Variants in CNOT10 observed in about 807,000 individuals in gnomAD.
CNOT10 encodes CCR4-NOT transcription complex subunit 10, also known as CCR4-NOT transcription complex, subunit 10.
Under a neutral mutation model 94.6 loss-of-function variants are expected in CNOT10, and 30 were observed. The ratio of observed to expected loss-of-function variants is 0.32; its 90% CI spans 0.24 to 0.43. CNOT10 has a LOEUF of 0.43. CNOT10 is among the 20% of genes least tolerant of loss of function. The probability of loss-of-function intolerance (pLI) is 1.00; values close to 1 mark genes in which losing one functional copy is unlikely to be tolerated. For synonymous variants in CNOT10, 289 were observed against 301.6 expected (o/e 0.96, Z 0.43); for missense variants, 759 against 877.2 (o/e 0.87, Z 1.70).
intron 6 of CNOT10, among the ~76,000 whole-genome samples, chr3:32,716,653 T>G (rs1384674564): frequency 6.6e-6 from 1 of 152,108 alleles, no homozygotes; most frequent in Non-Finnish European, 1.5e-5. Context: ...TTTAAGTTTT[T>G]TGTTTGTTTT....
intron 5 of CNOT10, 34 bp from the exon 6 acceptor site, chr3:32,716,191 T>G: frequency 8.6e-7 from 1 of 1,164,050 alleles, no homozygotes; most frequent in Non-Finnish European, 1.2e-6. Flanking sequence ...CAAAAATATT[T>G]AATTTTGATA....
At chr3:32,732,162 G>A (rs1409297663) in intron 10 of CNOT10, among the ~76,000 whole-genome samples, 3 of 152,144 alleles carry the variant, frequency 2.0e-5, no homozygotes, top group South Asian at 2.1e-4. Context: ...AGGCCGAGGC[G>A]GGCGGATCAC....
chr3:32,769,405 A>C (rs147519249), intron 17 of CNOT10: 19 of 164,458 alleles, frequency 1.2e-4, no homozygotes, highest in Non-Finnish European at 1.9e-4. Flanking sequence ...TAAACTAGTA[A>C]ATTATTTTAT....
At chr3:32,740,658 C>A (rs556383467) in intron 13 of CNOT10, among the ~76,000 whole-genome samples, 1 of 151,766 alleles carries the variant, frequency 6.6e-6, no homozygotes, top group African/African-American at 2.4e-5. Flanking sequence ...GTCAGGAGAT[C>A]GAGACCATCC....
chr3:32,746,952 A>G (rs1409624515), intron 13 of CNOT10, among the ~76,000 whole-genome samples: 6 of 151,740 alleles, frequency 4.0e-5, no homozygotes. Flanking sequence ...CTGTAAATAT[A>G]GATGAATATA....
At chr3:32,701,403 CTT>C (rs994374326) in intron 1 of CNOT10, among the ~76,000 whole-genome samples, 5 of 152,260 alleles carry the variant, frequency 3.3e-5, no homozygotes, top group South Asian at 2.1e-4. Context: ...GGCTTAGACT[CTT>C]TTGAAAAAAT....
intron 4 of CNOT10, among the ~76,000 whole-genome samples, chr3:32,709,281 T>C (rs1276834616): frequency 6.6e-6 from 1 of 152,046 alleles, no homozygotes; most frequent in Non-Finnish European, 1.5e-5. Flanking sequence ...TAACCTCAAG[T>C]AGGAGTAGCA....
intron 3 of CNOT10, among the ~76,000 whole-genome samples, chr3:32,706,861 A>G (rs1399083829): frequency 6.6e-6 from 1 of 152,232 alleles, no homozygotes; most frequent in Non-Finnish European, 1.5e-5. Context: ...AAAGTTCCCA[A>G]ACTCATTGAG....
At chr3:32,748,807 C>T (rs1204625616) in intron 13 of CNOT10, among the ~76,000 whole-genome samples, 1 of 151,188 alleles carries the variant, frequency 6.6e-6, no homozygotes, top group East Asian at 2.0e-4. Flanking sequence ...CCACCATGCC[C>T]GGCCTGTTTT....
intron 1 of CNOT10, among the ~76,000 whole-genome samples, chr3:32,694,867 GT>G (rs1696984897): frequency 6.6e-6 from 1 of 152,120 alleles, no homozygotes; most frequent in African/African-American, 2.4e-5. Context: ...GAGATTATAG[GT>G]GTGAGTCACC....
chr3:32,740,188 C>T (rs1456395482), intron 13 of CNOT10, among the ~76,000 whole-genome samples: 3 of 152,148 alleles, frequency 2.0e-5, no homozygotes, highest in East Asian at 1.9e-4. Flanking sequence ...ATGCTGGGTG[C>T]GGTGGCTCAT....
At chr3:32,760,596 C>T (rs1700403796) in intron 14 of CNOT10, among the ~76,000 whole-genome samples, 1 of 152,106 alleles carries the variant, frequency 6.6e-6, no homozygotes, top group Non-Finnish European at 1.5e-5. Flanking sequence ...TGCACCATTG[C>T]ACTCCAGGCG....
chr3:32,753,226 A>T, intron 13 of CNOT10: 1 of 732,900 alleles, frequency 1.4e-6, no homozygotes, highest in East Asian at 2.7e-5. Flanking sequence ...AAGGACAAAA[A>T]TTAGATAGTG....
At chr3:32,692,163 T>A (rs6810279) in intron 1 of CNOT10, among the ~76,000 whole-genome samples, 9,291 of 151,768 alleles carry the variant, frequency 0.061, 332 homozygotes, top group African/African-American at 0.091. Flanking sequence ...GGAGTTCAAG[T>A]CCAGCCTGGG....
chr3:32,769,743 C>T, intron 17 of CNOT10, 144 bp from the exon 18 acceptor site: 3 of 640,234 alleles, frequency 4.7e-6, no homozygotes, highest in East Asian at 2.7e-5. Context: ...TGAGGCTCAT[C>T]AGAGCAGAAC....
chr3:32,764,596 C>A, intron 16 of CNOT10, 86 bp from the exon 17 acceptor site: 2 of 1,601,722 alleles, frequency 1.2e-6, no homozygotes, highest in Non-Finnish European at 1.7e-6. Flanking sequence ...ACTGCTGTGC[C>A]AAGTGGCTCC....
chr3:32,770,020 T>C (rs1473251483), intron 18 of CNOT10, 58 bp downstream of exon 18: 17 of 1,401,008 alleles, frequency 1.2e-5, no homozygotes, highest in East Asian at 4.6e-5. Flanking sequence ...GATTTTTTGG[T>C]TGGGAGACAG....
intron 13 of CNOT10, 80 bp downstream of exon 13, chr3:32,737,570 A>G: frequency 1.6e-5 from 14 of 873,664 alleles, no homozygotes; most frequent in Non-Finnish European, 2.5e-5. Context: ...CATACCTCTA[A>G]TCCCAGCACT....
chr3:32,696,122 C>A (rs1048734221), intron 1 of CNOT10, among the ~76,000 whole-genome samples: 2 of 151,798 alleles, frequency 1.3e-5, no homozygotes, highest in African/African-American at 4.8e-5. Context: ...TCAAGACCAA[C>A]CTGGCTGACA....
Sources: gnomAD v4.1 joint callset for allele counts (sites outside exome capture counted in the v4.1 genomes callset) on GRCh38, gnomAD v4.1.1 for gene constraint, MANE v1.5 for transcripts, NCBI Gene and HGNC (gene_info 2026-07-23, HGNC 2026-07-21) for gene names.